Variants in GNAI2 observed in about 807,000 individuals in gnomAD.
GNAI2 encodes the protein G protein subunit alpha i2.
A neutral mutation model predicts 36.8 loss-of-function variants in GNAI2; 4 were observed. The observed-to-expected ratio is 0.11, with a 90% CI of 0.05 to 0.25. The LOEUF (loss-of-function observed/expected upper bound fraction) is 0.25. Ranked by LOEUF, GNAI2 falls within the 10% of genes least tolerant of loss-of-function variation. The pLI, the probability that GNAI2 is intolerant of heterozygous loss-of-function variation, is 1.00. For missense variants in GNAI2, 230 were observed against 481.3 expected (o/e 0.48, Z 4.89); for synonymous variants, 194 against 194.1 (o/e 1.00, Z 0.01).
In GNAI2 at chr3:50,251,491, A is replaced by C. The variant is rs1358820069; in HGVS notation, c.119-609A>C. On this transcript the variant is annotated intron_variant, in intron 1 of 8. Coordinates refer to ENST00000313601, the MANE Select transcript of GNAI2 (RefSeq NM_002070.4). ...ATGAGTCAGTACGCGTGTGTGTTAC[A>C]CTGTAGGTCTCCTAGATTCTAGCCT... is the stretch of plus-strand genomic sequence containing the variant. 3 of 1,109,634 alleles carry C rather than the reference A, an allele frequency of 2.7e-6. No individual in the cohort carries two copies. The African/African-American group carries it at 5.0e-5, about 19-fold the overall frequency. The allele number at this position is 1,109,634 out of a possible 1,614,324, so 68.7% of individuals were successfully genotyped here. A position where few individuals can be genotyped will look rare whatever the true frequency, so the allele number is the denominator to read the frequency against.
upstream of GNAI2, chr3:50,229,307 A>G (rs1700032240): frequency 6.6e-6 from 1 of 152,170 alleles, no homozygotes; most frequent in Non-Finnish European, 1.5e-5. Context: ...TGTACCATGA[A>G]CTCTTCAAGG....
chr3:50,257,441 C>T (rs1284320839), intron 7 of GNAI2, 59 bp from the exon 8 acceptor site: 8 of 1,191,092 alleles, frequency 6.7e-6, no homozygotes, highest in Admixed American at 2.2e-5. Flanking sequence ...TTGCTGCACA[C>T]GTAGGATGCG....
chr3:50,240,342 C>T (rs759446161), intron 1 of GNAI2, among the ~76,000 whole-genome samples: 2 of 152,130 alleles, frequency 1.3e-5, no homozygotes, highest in Admixed American at 6.6e-5. Flanking sequence ...GGGACCAACT[C>T]GACAAGAACA....
chr3:50,237,382 G>A (rs781959014), intron 1 of GNAI2, among the ~76,000 whole-genome samples: 4 of 152,180 alleles, frequency 2.6e-5, no homozygotes, highest in African/African-American at 7.2e-5. Flanking sequence ...GGTTGTGGCC[G>A]CCTCCAAGGC....
rs1553703649 is a variant in GNAI2, at chr3:50,258,742, T to A, written c.*399T>A. 1 of 360,744 alleles carries A rather than the reference T, an allele frequency of 2.8e-6. No individual in the cohort carries two copies. The highest frequency in any genetic ancestry group is 2.1e-5 in the African/African-American group (1 of 46,512). The allele number at this position is 360,744 out of a possible 1,614,324, so 22.3% of individuals were successfully genotyped here. ...ACACCAGCCCCTGCCCCAGCCCAAG[T>A]CCAAATGTTTACAGGGAGCCTCCTG... is the stretch of plus-strand genomic sequence containing the variant. On this transcript the variant is annotated 3_prime_UTR_variant, in exon 9 of 9. Coordinates refer to ENST00000313601, the MANE Select transcript of GNAI2 (RefSeq NM_002070.4).
In GNAI2 at chr3:50,236,861, T is replaced by C. The variant is rs1700184047; in HGVS notation, c.118+408T>C. On this transcript the variant is annotated intron_variant, in intron 1 of 8. Transcript: ENST00000313601. The surrounding 1 kb of genome is among the most constrained non-coding windows in gnomAD (Gnocchi z 4.0). ...TTGTTTTCCTCACCTGCGCCTTTTA[T>C]TCCTATTGGGCATGAGCATCCCGCG... Among the ~76,000 whole-genome samples, 1 of 152,146 alleles carries C rather than the reference T, an allele frequency of 6.6e-6. No individual in the cohort carries two copies. The highest frequency in any genetic ancestry group is 6.5e-5 in the Admixed American group (1 of 15,276).
rs1700317826 is a variant in GNAI2 at position 50,242,362 on chromosome 3, G to GCC, written c.118+5910_118+5911dup. Among the ~76,000 whole-genome samples the GCC allele has an allele frequency of 6.6e-6, 1 of 152,204 alleles. No homozygotes were observed. Among genetic ancestry groups the GCC allele is most frequent in the South Asian group, 2.1e-4 (1 of 4,838 alleles). ...CCAGCATCTCAGGCCAGGAATCCCA[G>GCC]CCTAGGAGTTGAGCGAGGAGGGGAA... On this transcript the variant is annotated intron_variant, in intron 1 of 8. Coordinates refer to ENST00000313601, the MANE Select transcript of GNAI2 (RefSeq NM_002070.4). This position sits in a 1 kb window ranked among gnomAD's most constrained non-coding sequence, Gnocchi z 4.8.
rs1007039171 is a variant in GNAI2 at position 50,238,884 on chromosome 3, C to T, written c.118+2431C>T. Among the ~76,000 whole-genome samples the T allele has an allele frequency of 6.6e-6, 1 of 152,214 alleles. No homozygotes were observed. The highest frequency in any genetic ancestry group is 1.5e-5 in the Non-Finnish European group (1 of 68,032). ...CTCAGGTTGGGCAACTGCCAGCCTT[C>T]CCTCCCAGCCAGAACCACGCCTGCT... On this transcript the variant is annotated intron_variant, in intron 1 of 8. Transcript: ENST00000313601. The surrounding 1 kb of genome is among the most constrained non-coding windows in gnomAD (Gnocchi z 5.0).
intron 1 of GNAI2, among the ~76,000 whole-genome samples, chr3:50,243,654 T>C (rs1553701397): frequency 1.3e-5 from 2 of 152,252 alleles, no homozygotes; most frequent in African/African-American, 4.8e-5. Context: ...TCTTGTCATA[T>C]TTAATCCTGT....
At chr3:50,251,284 A>G (rs1700551424) in intron 1 of GNAI2, 9 of 782,274 alleles carry the variant, frequency 1.2e-5, no homozygotes, top group Non-Finnish European at 1.1e-5. Flanking sequence ...CAATGTCCTC[A>G]TCTGTAGAAT....
At chr3:50,233,376 C>T (rs1700102595), upstream of GNAI2, among the ~76,000 whole-genome samples, 1 of 152,198 alleles carries the variant, frequency 6.6e-6, no homozygotes, top group South Asian at 2.1e-4. Context: ...CAGGTTCTCC[C>T]TGTTGCCTGG....
chr3:50,234,356 CTTTTTTT>C (rs1402222902), upstream of GNAI2, among the ~76,000 whole-genome samples: 1 of 134,300 alleles, frequency 7.4e-6, no homozygotes, highest in Non-Finnish European at 1.6e-5. Context: ...CGTGCCCGGT[CTTTTTTT>C]TTTTTTTTGA....
In GNAI2 at chr3:50,252,358, G is replaced by A; in HGVS notation, c.162-39G>A. The A allele has an allele frequency of 6.2e-7, 1 of 1,608,652 alleles. No homozygotes were observed. Among genetic ancestry groups the A allele is most frequent in the Non-Finnish European group, 8.5e-7 (1 of 1,175,906 alleles). ...CCAGGCAGCCGTGGGAACTCCCAGT[G>A]CCCAGGGGACACTAACCTTCCTGGT... is the stretch of plus-strand genomic sequence containing the variant. On this transcript the variant is annotated intron_variant, in intron 2 of 8. Coordinates refer to ENST00000313601, the MANE Select transcript of GNAI2 (RefSeq NM_002070.4). The surrounding 1 kb of genome is among the most constrained non-coding windows in gnomAD (Gnocchi z 4.1).
chr3:50,251,822 G>C, intron 1 of GNAI2: 1 of 1,282,166 alleles, frequency 7.8e-7, no homozygotes, highest in African/African-American at 1.5e-5. Flanking sequence ...CCCCAGGACA[G>C]TGGGGAGCCA....
upstream of GNAI2, among the ~76,000 whole-genome samples, chr3:50,234,832 C>T (rs978669443): frequency 1.3e-5 from 2 of 152,256 alleles, no homozygotes; most frequent in South Asian, 2.1e-4. Context: ...AATGTCCAAT[C>T]GAGGGTGGGG....
chr3:50,256,390 G>A (rs587628523), intron 5 of GNAI2, 70 bp downstream of exon 5: 2 of 1,440,998 alleles, frequency 1.4e-6, no homozygotes, highest in South Asian at 2.3e-5. Context: ...GGCAGGGGCT[G>A]GTCCAGGATC....
rs1326240157 is a variant in GNAI2, at chr3:50,257,519, G to T, written c.897G>T (p.Glu299Asp). Residue 299 changes from glutamate (E) to aspartate (D), a missense_variant, in exon 8 of 9, where the codon GAG becomes GAT. Transcript: ENST00000313601. ...CCCCAGGGGCCAACAAATATGATGA[G>T]GCAGCCAGCTACATCCAGAGTAAGT... ...PEYTGANKYD[E>D]AASYIQSKFE... 5 of 1,565,584 alleles carry T rather than the reference G, an allele frequency of 3.2e-6. No individual in the cohort carries two copies. The highest frequency in any genetic ancestry group is 4.3e-6 in the Non-Finnish European group (5 of 1,152,560).
chr3:50,256,645 A>C (rs1193316634), intron 5 of GNAI2, 78 bp from the exon 6 acceptor site: 1 of 1,516,984 alleles, frequency 6.6e-7, no homozygotes, highest in African/African-American at 1.4e-5. Flanking sequence ...CTCTGTCCTC[A>C]GTCAGCCAAC....
rs1307242708 is a variant in GNAI2 at position 50,253,441 on chromosome 3, C to T, written c.464+257C>T. Among the ~76,000 whole-genome samples, 7 of 152,146 alleles carry T rather than the reference C, an allele frequency of 4.6e-5. No homozygotes were observed. Among genetic ancestry groups the T allele is most frequent in the African/African-American group, 1.2e-4 (5 of 41,444 alleles). Reference sequence around the variant, plus strand: ...GCCAGTTGAGTCTGATCTGTCTTGACAGTCTTCTAAAGAACATTTGCGGCC... The same window carrying T: ...GCCAGTTGAGTCTGATCTGTCTTGATAGTCTTCTAAAGAACATTTGCGGCC... On this transcript the variant is annotated intron_variant, in intron 4 of 8. Coordinates refer to ENST00000313601, the MANE Select transcript of GNAI2 (RefSeq NM_002070.4). This position sits in a 1 kb window ranked among gnomAD's most constrained non-coding sequence, Gnocchi z 4.2.
Sources: allele counts gnomAD v4.1 joint callset (sites outside exome capture counted in the v4.1 genomes callset), GRCh38; gene constraint gnomAD v4.1.1; non-coding constraint Gnocchi (gnomAD v3.1); transcripts MANE v1.5; gene names NCBI Gene and HGNC (gene_info 2026-07-23, HGNC 2026-07-21).